RBMS2: variants seen among roughly 807,000 people sequenced by gnomAD.
RBMS2 encodes RNA-binding motif, single-stranded-interacting protein 2.
In RBMS2, 38 loss-of-function variants were observed where a neutral mutation model predicts 58.4. The observed-to-expected ratio is 0.65, with a 90% CI of 0.50 to 0.85. RBMS2 has a LOEUF of 0.85. Ranked by LOEUF, RBMS2 falls within the 40% of genes least tolerant of loss-of-function variation. RBMS2 has a pLI of 0.00. For missense variants in RBMS2, 367 were observed against 503.7 expected, an observed-to-expected ratio of 0.73 and a Z score of 2.60; for synonymous variants, 151 against 180.7, an observed-to-expected ratio of 0.84 and a Z score of 1.32.
chr12:56,552,128 C>G (rs1878380838), intron 1 of RBMS2, among the ~76,000 whole-genome samples: 1 of 152,200 alleles, frequency 6.6e-6, no homozygotes, highest in Non-Finnish European at 1.5e-5. Flanking sequence ...GATTTATTAA[C>G]TAAAAGCTAA....
chr12:56,521,701 C>G (rs998805449), upstream of RBMS2, among the ~76,000 whole-genome samples: 1 of 151,564 alleles, frequency 6.6e-6, no homozygotes, highest in African/African-American at 2.4e-5. Context: ...TTCTTTCTAG[C>G]TTTAACTCCT....
At chr12:56,535,842 C>T (rs1275679325) in intron 1 of RBMS2, among the ~76,000 whole-genome samples, 1 of 152,068 alleles carries the variant, frequency 6.6e-6, no homozygotes, top group African/African-American at 2.4e-5. Context: ...TGGCATACTA[C>T]TAGTATCTAC....
At position 56,570,010 on chromosome 12, in the gene RBMS2, T is replaced by C. The variant is rs377393542; in HGVS notation, c.384+20T>C. 3.2e-6 allele frequency: 5 copies of C among 1,584,340 alleles called. No individual in the cohort carries two copies. The highest frequency in any genetic ancestry group is 2.7e-5 in the African/African-American group (2 of 74,196). Reference sequence around the variant, plus strand: ...GCAAAGGTAAGGGTACTACCCCATGTCTGTTCCTCCAAGGGGTTTGTGGTT... The same window carrying C: ...GCAAAGGTAAGGGTACTACCCCATGCCTGTTCCTCCAAGGGGTTTGTGGTT... On this transcript the variant is annotated intron_variant, in intron 4 of 13. Transcript: ENST00000262031.
rs574701402 is a variant in RBMS2, at chr12:56,585,342, A to G, written c.874-1507A>G. Among the ~76,000 whole-genome samples the G allele has an allele frequency of 2.0e-5, 3 of 152,336 alleles. No homozygotes were observed. The East Asian group carries it at 5.8e-4, about 29-fold the overall frequency. On this transcript the variant is annotated intron_variant, in intron 9 of 13. Coordinates refer to ENST00000262031, the MANE Select transcript of RBMS2 (RefSeq NM_002898.4). ...CACTTTTTGGATTATTTAATCCAAT[A>G]TTGGATTATTTCAAATCCAATTTTA...
In RBMS2 at chr12:56,522,075, A is replaced by T; in HGVS notation, c.52A>T (p.Arg18Ter). 6.3e-7 allele frequency: 1 copy of T among 1,598,496 alleles called. No homozygotes were observed. ...RPGISTFGYN[R>*]NNKKPYVSLA... ...CGGGATTTCGACTTTTGGCTACAATAGAAACAACAAGAAGGTAGGGAAAAG... is the reference window on the plus strand; with the variant it reads ...CGGGATTTCGACTTTTGGCTACAATTGAAACAACAAGAAGGTAGGGAAAAG... The change falls in exon 1 of 14, where the codon AGA becomes TGA. Residue 18 changes from arginine to a stop codon, truncating the protein, a stop_gained. Transcript: ENST00000262031. LOFTEE classifies it high-confidence loss of function.
intron 1 of RBMS2, among the ~76,000 whole-genome samples, chr12:56,558,843 G>A (rs115039478): frequency 2.0e-5 from 3 of 151,792 alleles, no homozygotes; most frequent in African/African-American, 4.8e-5. Flanking sequence ...TGAGGGATCC[G>A]CCTGCTTCAG....
Position 56,531,555 on chromosome 12 carries a change from G to A in RBMS2, c.66+9466G>A, listed in dbSNP as rs143565846. ...TAAAGTACTGATATATTGGCCCAGC[G>A]CGGTGGCTCATGCCTGTAATCCCAG... is the stretch of plus-strand genomic sequence containing the variant. On this transcript the variant is annotated intron_variant, in intron 1 of 13. Transcript: ENST00000262031. Among the ~76,000 whole-genome samples the A allele has an allele frequency of 6.1e-3, 923 of 152,126 alleles. 41 individuals carry two copies. Among genetic ancestry groups the A allele is most frequent in the Admixed American group, 0.054 (822 of 15,252 alleles).
chr12:56,573,208 G>A (rs1440757527), intron 5 of RBMS2: 1 of 973,204 alleles, frequency 1.0e-6, no homozygotes, highest in African/African-American at 1.8e-5. Flanking sequence ...TGGGCGTGGT[G>A]GCTCACGCCT....
chr12:56,591,570 A>T lies in RBMS2; in HGVS notation c.*2437A>T, dbSNP rs1028154520. On this transcript the variant is annotated 3_prime_UTR_variant, in exon 14 of 14. Transcript: ENST00000262031. ...TGAGTCTCCAGCCCTCAGTCAAGGA[A>T]AATATACCATAGCTGCTTTCTTGTC... 2 of 152,130 alleles carry T rather than the reference A, an allele frequency of 1.3e-5. No homozygotes were observed. Among genetic ancestry groups the T allele is most frequent in the African/African-American group, 4.8e-5 (2 of 41,430 alleles). The allele number at this position is 152,130 out of a possible 1,614,324, so 9.4% of individuals were successfully genotyped here. A position where few individuals can be genotyped will look rare whatever the true frequency, so the allele number is the denominator to read the frequency against.
intron 5 of RBMS2, 52 bp from the exon 6 acceptor site, chr12:56,581,132 G>A (rs1883886369): frequency 7.0e-7 from 1 of 1,418,970 alleles, no homozygotes; most frequent in East Asian, 2.3e-5. Flanking sequence ...TCAATGTGTG[G>A]AGAGCACAGA....
At position 56,569,810 on chromosome 12, in the gene RBMS2, C is replaced by T. The variant is rs1881982162; in HGVS notation, c.293-89C>T. ...TCCCTCCCATTTCTGTTACATGGAT[C>T]ATAACTCTTCCTCTGTCTCCTGAAA... On this transcript the variant is annotated intron_variant, in intron 3 of 13. Coordinates refer to ENST00000262031, the MANE Select transcript of RBMS2 (RefSeq NM_002898.4). The T allele has an allele frequency of 5.3e-6, 6 of 1,127,640 alleles. No homozygotes were observed. In the South Asian group the frequency reaches 7.6e-5, roughly 14 times the overall value. The allele number at this position is 1,127,640 out of a possible 1,614,324, so 69.9% of individuals were successfully genotyped here. A position where few individuals can be genotyped will look rare whatever the true frequency, so the allele number is the denominator to read the frequency against.
rs760114873 is a variant in RBMS2, at chr12:56,581,247, A to T, written c.606A>T (p.Thr202=). ...ACTTTAATGGAAAATATATTAAGAC[A>T]CCCCCTGGAGTACCAGGTGAGGCAT... is the stretch of plus-strand genomic sequence containing the variant. ...ITHFNGKYIK[T]PPGVPAPSDP... The change falls in exon 6 of 14, where the codon ACA becomes ACT. Residue 202 remains threonine (T), a synonymous_variant. Coordinates refer to ENST00000262031, the MANE Select transcript of RBMS2 (RefSeq NM_002898.4). 23 of 1,604,728 alleles carry T rather than the reference A, an allele frequency of 1.4e-5. 1 individual carries two copies. The South Asian group carries it at 2.4e-4, about 17-fold the overall frequency.
In RBMS2 at chr12:56,540,599, C is replaced by G. The variant is rs146512115; in HGVS notation, c.66+18510C>G. Among the ~76,000 whole-genome samples, 732 of 152,236 alleles carry G rather than the reference C, an allele frequency of 4.8e-3. 5 individuals are homozygous for G. The highest frequency in any genetic ancestry group is 0.017 in the African/African-American group (702 of 41,558). On this transcript the variant is annotated intron_variant, in intron 1 of 13. Transcript: ENST00000262031. ...CTCACTATGTTGCCCAGACTGATCT[C>G]GAACTCCTGGCTTCAAGTGATCCTC... is the stretch of plus-strand genomic sequence containing the variant.
At chr12:56,559,674 A>T (rs1347805830) in intron 1 of RBMS2, among the ~76,000 whole-genome samples, 9 of 147,472 alleles carry the variant, frequency 6.1e-5, no homozygotes, top group Non-Finnish European at 1.2e-4. Flanking sequence ...ACACGGTGAA[A>T]CTCCGTCTCT....
At chr12:56,558,168 C>G (rs1879623525) in intron 1 of RBMS2, among the ~76,000 whole-genome samples, 1 of 141,588 alleles carries the variant, frequency 7.1e-6, no homozygotes, top group South Asian at 2.4e-4. Context: ...CTGCCCCAGC[C>G]TCCCGAGAAG....
intron 1 of RBMS2, among the ~76,000 whole-genome samples, chr12:56,551,589 A>G (rs1370739688): frequency 6.6e-6 from 1 of 152,172 alleles, no homozygotes; most frequent in Non-Finnish European, 1.5e-5. Flanking sequence ...GAGAAGGCTA[A>G]TGCTAGCTGC....
chr12:56,581,727 G>A, intron 7 of RBMS2, 106 bp from the exon 8 acceptor site: 1 of 1,378,842 alleles, frequency 7.3e-7, no homozygotes, highest in African/African-American at 1.4e-5. Context: ...GACTTGTCTA[G>A]GCTTTAATTT....
intron 1 of RBMS2, among the ~76,000 whole-genome samples, chr12:56,522,432 A>C (rs1017146294): frequency 6.6e-6 from 1 of 152,166 alleles, no homozygotes; most frequent in Admixed American, 6.6e-5. Context: ...CCTGTCCCCC[A>C]GTCCACCCCA....
chr12:56,595,353 G>C lies in RBMS2; in HGVS notation c.*6220G>C, dbSNP rs1592535470. The C allele has an allele frequency of 6.6e-6, 1 of 152,252 alleles. No homozygotes were observed. The highest frequency in any genetic ancestry group is 6.5e-5 in the Admixed American group (1 of 15,300). 9.4% of individuals were successfully genotyped at this position (152,252 alleles called of 1,614,324 possible). A position where few individuals can be genotyped will look rare whatever the true frequency, so the allele number is the denominator to read the frequency against. On this transcript the variant is annotated 3_prime_UTR_variant, in exon 14 of 14. Transcript: ENST00000262031. ...CCCCACTCCAACATATACCCTTTTT[G>C]GGTGGGTAAACACCTCTTTGCATGT...
Sources: allele counts gnomAD v4.1 joint callset (sites outside exome capture counted in the v4.1 genomes callset), GRCh38; gene constraint gnomAD v4.1.1; transcripts MANE v1.5; gene names NCBI Gene and HGNC (gene_info 2026-07-23, HGNC 2026-07-21).